The following CLIC6 variants were observed in gnomAD, a reference collection of about 807,000 sequenced individuals.
CLIC6 encodes the protein chloride intracellular channel protein 6.
CLIC6 carries 39 observed loss-of-function variants against 49.2 expected under a neutral mutation model. The observed-to-expected ratio is 0.79, with a 90% CI of 0.61 to 1.04. The LOEUF is 1.04. Ranked by LOEUF, CLIC6 falls within the 50% of genes least tolerant of loss-of-function variation. The pLI is 0.00. For synonymous variants in CLIC6, 446 were observed against 433.4 expected (o/e 1.03, Z -0.36); for missense variants, 988 against 993.1 (o/e 0.99, Z 0.07).
intron 1 of CLIC6, among the ~76,000 whole-genome samples, chr21:34,673,534 A>G (rs1989608448): frequency 6.6e-6 from 1 of 151,966 alleles, no homozygotes; most frequent in South Asian, 2.1e-4. Flanking sequence ...CAGGTGATCC[A>G]CCCACCGTGG....
intron 1 of CLIC6, among the ~76,000 whole-genome samples, chr21:34,671,883 C>T (rs777491441): frequency 6.6e-6 from 1 of 152,104 alleles, no homozygotes; most frequent in Non-Finnish European, 1.5e-5. Flanking sequence ...TGTTTCTTCC[C>T]TAGTGAGAAG....
intron 1 of CLIC6, among the ~76,000 whole-genome samples, chr21:34,671,915 A>G (rs1010437194): frequency 3.9e-5 from 6 of 152,124 alleles, no homozygotes; most frequent in Admixed American, 1.3e-4. Context: ...GGCTTTTTTC[A>G]AGACCCTGGG....
intron 5 of CLIC6, among the ~76,000 whole-genome samples, chr21:34,714,036 G>A (rs1345952893): frequency 6.6e-6 from 1 of 152,146 alleles, no homozygotes; most frequent in Non-Finnish European, 1.5e-5. Context: ...TGATGTATGA[G>A]GTAAGAATTT....
chr21:34,707,251 C>G (rs763222719), intron 1 of CLIC6, 29 bp from the exon 2 acceptor site: 15 of 1,520,666 alleles, frequency 9.9e-6, no homozygotes, highest in Non-Finnish European at 1.1e-5. Flanking sequence ...GAGACTGGCT[C>G]AGATAGAAAT....
intron 1 of CLIC6, among the ~76,000 whole-genome samples, chr21:34,688,185 A>G (rs938529081): frequency 6.6e-6 from 1 of 152,272 alleles, no homozygotes; most frequent in Non-Finnish European, 1.5e-5. Flanking sequence ...TGGTATAATA[A>G]CAATGGACAA....
intron 1 of CLIC6, among the ~76,000 whole-genome samples, chr21:34,702,903 C>T (rs2055989881): frequency 6.6e-6 from 1 of 152,198 alleles, no homozygotes; most frequent in Non-Finnish European, 1.5e-5. Context: ...CCTCTGAGGA[C>T]AACTCTCTGG....
At chr21:34,709,789 C>G (rs2145819733) in intron 5 of CLIC6, among the ~76,000 whole-genome samples, 1 of 152,300 alleles carries the variant, frequency 6.6e-6, no homozygotes, top group Non-Finnish European at 1.5e-5. Context: ...CTCACACAGC[C>G]TAAAGACAGG....
intron 1 of CLIC6, among the ~76,000 whole-genome samples, chr21:34,697,356 A>G (rs1193578716): frequency 6.6e-6 from 1 of 152,056 alleles, no homozygotes; most frequent in East Asian, 1.9e-4. Context: ...GCTTGTCTTA[A>G]ATTCTCATCT....
At chr21:34,690,522 A>G (rs1989973031) in intron 1 of CLIC6, among the ~76,000 whole-genome samples, 1 of 152,146 alleles carries the variant, frequency 6.6e-6, no homozygotes, top group Non-Finnish European at 1.5e-5. Flanking sequence ...AGCGTAACAC[A>G]TGAGCTTATT....
chr21:34,677,823 A>G (rs1422904231), intron 1 of CLIC6, among the ~76,000 whole-genome samples: 2 of 152,140 alleles, frequency 1.3e-5, no homozygotes, highest in African/African-American at 4.8e-5. Flanking sequence ...TGGCGTATAT[A>G]TACCAGGGGT....
chr21:34,712,819 C>T (rs923866093), intron 5 of CLIC6, among the ~76,000 whole-genome samples: 13 of 152,218 alleles, frequency 8.5e-5, no homozygotes, highest in Non-Finnish European at 1.8e-4. Context: ...GGCCTTCTGC[C>T]TAATCTGTGA....
At chr21:34,707,670 G>A (rs185533030) in intron 2 of CLIC6, among the ~76,000 whole-genome samples, 83 of 152,274 alleles carry the variant, frequency 5.5e-4, no homozygotes, top group Non-Finnish European at 1.0e-3. Context: ...CACCATCCCT[G>A]GCTGATAACA....
chr21:34,690,104 C>T (rs1474576824), intron 1 of CLIC6, among the ~76,000 whole-genome samples: 2 of 152,068 alleles, frequency 1.3e-5, no homozygotes, highest in Non-Finnish European at 2.9e-5. Flanking sequence ...ATGTCCAGAC[C>T]CTTGTATATT....
chr21:34,686,205 C>T (rs1354107756), intron 1 of CLIC6, among the ~76,000 whole-genome samples: 1 of 152,146 alleles, frequency 6.6e-6, no homozygotes, highest in African/African-American at 2.4e-5. Flanking sequence ...AGTTCAAGAC[C>T]AGCCTGGCTA....
intron 1 of CLIC6, among the ~76,000 whole-genome samples, chr21:34,694,135 ATTTTTT>A (rs57210806): frequency 5.5e-5 from 7 of 128,420 alleles, no homozygotes; most frequent in African/African-American, 2.2e-4. Context: ...CGCCTGGTTA[ATTTTTT>A]TTTTTTTTTT....
At chr21:34,676,471 T>C (rs967712390) in intron 1 of CLIC6, among the ~76,000 whole-genome samples, 1 of 152,258 alleles carries the variant, frequency 6.6e-6, no homozygotes, top group Non-Finnish European at 1.5e-5. Flanking sequence ...TTGGGCAATG[T>C]AGTACATTAT....
intron 1 of CLIC6, among the ~76,000 whole-genome samples, chr21:34,684,283 A>G (rs1989835430): frequency 6.6e-6 from 1 of 152,174 alleles, no homozygotes. Context: ...AGAAACAACT[A>G]CTATGCAACA....
chr21:34,704,260 T>C (rs2055999354), intron 1 of CLIC6, among the ~76,000 whole-genome samples: 1 of 152,210 alleles, frequency 6.6e-6, no homozygotes, highest in Non-Finnish European at 1.5e-5. Flanking sequence ...GCAATGGAGA[T>C]GGCGTATCTT....
At chr21:34,692,909 ATTTCTTTTTC>A (rs1990021815) in intron 1 of CLIC6, among the ~76,000 whole-genome samples, 1 of 152,108 alleles carries the variant, frequency 6.6e-6, no homozygotes, top group Non-Finnish European at 1.5e-5. Context: ...GATAATTAGA[ATTTCTTTTTC>A]TTGGTCTGCT....
Sources: allele counts gnomAD v4.1 joint callset (sites outside exome capture counted in the v4.1 genomes callset), GRCh38; gene constraint gnomAD v4.1.1; transcripts MANE v1.5; gene names NCBI Gene and HGNC (gene_info 2026-07-23, HGNC 2026-07-21).